The following MROH9 variants were observed in gnomAD, a reference collection of about 807,000 sequenced individuals.
MROH9 encodes maestro heat like repeat family member 9, also known as maestro heat-like repeat-containing protein family member 9.
MROH9 carries 92 observed loss-of-function variants against 98.2 expected under a neutral mutation model. That is an observed-to-expected ratio of 0.94 (90% CI 0.79 to 1.11). The LOEUF (loss-of-function observed/expected upper bound fraction) is 1.11, where lower values mean the gene tolerates loss of function less well. Among genes scored for constraint, MROH9 ranks in the 50% most tolerant of loss-of-function variants. The pLI, the probability that MROH9 is intolerant of heterozygous loss-of-function variation, is 0.00. For missense variants in MROH9, 1,057 were observed against 1,014.8 expected (o/e 1.04, Z -0.57); for synonymous variants, 397 against 368.9 (o/e 1.08, Z -0.87).
At chr1:170,981,742 A>AT (rs1249735160) in intron 8 of MROH9, among the ~76,000 whole-genome samples, 3 of 136,004 alleles carry the variant, frequency 2.2e-5, no homozygotes, top group South Asian at 4.7e-4. Flanking sequence ...TTTAGAAGAA[A>AT]TAAAAAAAAA....
intron 3 of MROH9, among the ~76,000 whole-genome samples, chr1:170,957,795 G>T (rs9427201): frequency 0.02 from 2,485 of 124,270 alleles, 56 homozygotes; most frequent in Non-Finnish European, 0.031. Context: ...GCATTTTTTT[G>T]TTTTTTTTTT....
chr1:170,970,667 A>G lies in MROH9; in HGVS notation c.481-1081A>G, dbSNP rs551633737. Among the ~76,000 whole-genome samples, 7 of 150,222 alleles carry G rather than the reference A, an allele frequency of 4.7e-5. No homozygotes were observed. The East Asian group carries it at 1.4e-3, about 30-fold the overall frequency. On this transcript the variant is annotated intron_variant, in intron 7 of 21. Coordinates refer to ENST00000367759, the MANE Select transcript of MROH9 (RefSeq NM_001163629.2). ...ATGGCCTTCGCCCATGACCTAGATG[A>G]CCCAGGTCACTTCATATTTCTTCCT... is the stretch of plus-strand genomic sequence containing the variant.
chr1:171,020,742 T>C (rs1210741185), intron 17 of MROH9, among the ~76,000 whole-genome samples: 3 of 152,116 alleles, frequency 2.0e-5, no homozygotes, highest in South Asian at 4.2e-4. Flanking sequence ...CTATGCATCA[T>C]AGTATTGGAA....
At chr1:170,976,876 A>C (rs967859808) in intron 8 of MROH9, among the ~76,000 whole-genome samples, 4 of 152,146 alleles carry the variant, frequency 2.6e-5, no homozygotes, top group African/African-American at 9.6e-5. Flanking sequence ...AATAACACAT[A>C]GAATTGGCCT....
intron 15 of MROH9, among the ~76,000 whole-genome samples, chr1:171,000,240 G>A (rs1265437502): frequency 1.3e-5 from 2 of 151,812 alleles, no homozygotes; most frequent in Admixed American, 6.6e-5. Context: ...TTGGGTTCTT[G>A]GTCATGAAAT....
intron 1 of MROH9, among the ~76,000 whole-genome samples, chr1:170,936,527 C>A (rs61814150): frequency 0.021 from 3,265 of 152,236 alleles, 60 homozygotes; most frequent in Admixed American, 0.045. Flanking sequence ...CTGGAAATAC[C>A]CTCACAGACA....
In MROH9 at chr1:170,989,867, G is replaced by A. The variant is rs765634568; in HGVS notation, c.892G>A (p.Val298Met). The change falls in exon 11 of 22, where the codon GTG (valine) becomes ATG (methionine). Residue 298 changes from valine to methionine, a missense_variant. Transcript: ENST00000367759. ...ATTTCTCTTCCAGGTGTCTAAGATCGTGGATGCTATTTACAGGCAACTGTG... is the reference window on the plus strand; with the variant it reads ...ATTTCTCTTCCAGGTGTCTAAGATCATGGATGCTATTTACAGGCAACTGTG... ...AEKVTMVSKI[V>M]DAIYRQLCDN... 1.3e-5 allele frequency: 21 copies of A among 1,601,584 alleles called. No homozygotes were observed. Among genetic ancestry groups the A allele is most frequent in the Middle Eastern group, 1.7e-4 (1 of 5,998 alleles).
At chr1:171,015,612 C>T (rs142142703) in intron 16 of MROH9, among the ~76,000 whole-genome samples, 13 of 151,938 alleles carry the variant, frequency 8.6e-5, no homozygotes, top group African/African-American at 2.9e-4. Context: ...TCTGCATTGA[C>T]TCCCATGACC....
chr1:171,043,642 C>G (rs1653376456), intron 20 of MROH9, among the ~76,000 whole-genome samples: 1 of 151,422 alleles, frequency 6.6e-6, no homozygotes, highest in South Asian at 2.1e-4. Flanking sequence ...TTCTTGGTGT[C>G]TTCTTCAATT....
At chr1:171,038,275 T>A (rs1171407796) in intron 20 of MROH9, among the ~76,000 whole-genome samples, 1 of 152,132 alleles carries the variant, frequency 6.6e-6, no homozygotes, top group African/African-American at 2.4e-5. Flanking sequence ...GCATTAAAAT[T>A]TTCACAAATT....
intron 7 of MROH9, among the ~76,000 whole-genome samples, chr1:170,967,913 G>T (rs559890441): frequency 6.6e-6 from 1 of 152,026 alleles, no homozygotes; most frequent in Non-Finnish European, 1.5e-5. Context: ...CTAACAAATT[G>T]CCCATGTGTA....
chr1:171,035,259 C>T (rs973801461), intron 20 of MROH9, among the ~76,000 whole-genome samples: 1 of 150,502 alleles, frequency 6.6e-6, no homozygotes, highest in Non-Finnish European at 1.5e-5. Flanking sequence ...TCCAATAGAT[C>T]AAAAAATAAA....
chr1:170,954,401 T>C (rs1307435155), intron 3 of MROH9, among the ~76,000 whole-genome samples: 1 of 152,118 alleles, frequency 6.6e-6, no homozygotes, highest in East Asian at 1.9e-4. Context: ...AATTCATCTA[T>C]CAGAGGACAC....
At chr1:171,002,317 T>G (rs1228473115) in intron 15 of MROH9, among the ~76,000 whole-genome samples, 1 of 152,178 alleles carries the variant, frequency 6.6e-6, no homozygotes, top group African/African-American at 2.4e-5. Context: ...TTTTTGTTTT[T>G]GCTTTTTAAC....
At chr1:170,980,799 C>T (rs910809397) in intron 8 of MROH9, among the ~76,000 whole-genome samples, 10 of 151,972 alleles carry the variant, frequency 6.6e-5, no homozygotes, top group Non-Finnish European at 7.4e-5. Context: ...AGCTTCTGCA[C>T]GGCAAAAGAA....
chr1:170,962,027 C>A (rs1057249709), intron 6 of MROH9, 51 bp downstream of exon 6: 8 of 928,140 alleles, frequency 8.6e-6, no homozygotes, highest in Non-Finnish European at 1.3e-5. Flanking sequence ...CTAGTATGCT[C>A]ACTATGCTTC....
intron 15 of MROH9, 134 bp from the exon 16 acceptor site, chr1:171,013,983 G>A (rs1404793493): frequency 1.0e-5 from 7 of 697,008 alleles, no homozygotes; most frequent in Non-Finnish European, 1.6e-5. Flanking sequence ...ACTGCTGTGA[G>A]CACTGAAATA....
At chr1:170,946,730 C>T (rs1425277281) in intron 2 of MROH9, among the ~76,000 whole-genome samples, 1 of 151,752 alleles carries the variant, frequency 6.6e-6, no homozygotes, top group Non-Finnish European at 1.5e-5. Flanking sequence ...AAATAGAAGA[C>T]ATAAAATAAT....
intron 20 of MROH9, among the ~76,000 whole-genome samples, chr1:171,051,390 A>G (rs942899677): frequency 2.0e-5 from 3 of 152,212 alleles, no homozygotes; most frequent in African/African-American, 7.2e-5. Flanking sequence ...CATATATGCC[A>G]TGGAATACTA....
Sources: gnomAD v4.1 joint callset for allele counts (sites outside exome capture counted in the v4.1 genomes callset) on GRCh38, gnomAD v4.1.1 for gene constraint, MANE v1.5 for transcripts, NCBI Gene and HGNC (gene_info 2026-07-23, HGNC 2026-07-21) for gene names.